NAA11: variants seen among roughly 807,000 people sequenced by gnomAD.
The protein encoded by NAA11 is N-alpha-acetyltransferase 11.
NAA11 carries 15 observed loss-of-function variants against 16.1 expected under a neutral mutation model. That is an observed-to-expected ratio of 0.93 (90% CI 0.62 to 1.44). The LOEUF (loss-of-function observed/expected upper bound fraction) is 1.44. Among genes scored for constraint, NAA11 ranks in the 40% most tolerant of loss-of-function variants. The probability of loss-of-function intolerance (pLI) is 0.00; values close to 1 mark genes in which losing one functional copy is unlikely to be tolerated. For missense variants in NAA11, 298 were observed against 291.3 expected (o/e 1.02, Z -0.17); for synonymous variants, 122 against 112.4 (o/e 1.09, Z -0.54).
chr4:79,202,541 C>CAT, the NAA11 span, among the ~76,000 whole-genome samples: 8 of 140,044 alleles, frequency 5.7e-5, no homozygotes, highest in South Asian at 1.8e-3. Flanking sequence ...CACACACACA[C>CAT]GCACACACAC....
the NAA11 span, among the ~76,000 whole-genome samples, chr4:79,208,520 C>T: frequency 6.6e-6 from 1 of 151,928 alleles, no homozygotes; most frequent in Non-Finnish European, 1.5e-5. Flanking sequence ...GCTTTTAGCC[C>T]ACATATGAAA....
At chr4:79,202,623 T>TTTTA in the NAA11 span, among the ~76,000 whole-genome samples, 3 of 52,622 alleles carry the variant, frequency 5.7e-5, 1 homozygote, top group African/African-American at 1.4e-4. Flanking sequence ...ATATATAGTT[T>TTTTA]TATATATATA....
chr4:79,320,046 T>C, intron 1 of NAA11, among the ~76,000 whole-genome samples: 1 of 152,202 alleles, frequency 6.6e-6, no homozygotes, highest in East Asian at 1.9e-4. Context: ...ACTAAGATTT[T>C]GCATTTTTTT....
At chr4:79,303,896 A>AT (rs1313458938) in intron 1 of NAA11, among the ~76,000 whole-genome samples, 1 of 152,012 alleles carries the variant, frequency 6.6e-6, no homozygotes, top group Non-Finnish European at 1.5e-5. Flanking sequence ...ATCTCCACAC[A>AT]TTTTCTGACC....
At chr4:79,160,297 G>A in the NAA11 span, among the ~76,000 whole-genome samples, 1 of 152,114 alleles carries the variant, frequency 6.6e-6, no homozygotes, top group Non-Finnish European at 1.5e-5. Flanking sequence ...CAGCTGAGTT[G>A]TTTCTACTTT....
the NAA11 span, among the ~76,000 whole-genome samples, chr4:79,202,950 A>C: frequency 1.3e-5 from 2 of 151,386 alleles, no homozygotes; most frequent in African/African-American, 2.4e-5. Context: ...AAAACATTGC[A>C]TGTGTGTATT....
At chr4:79,284,347 T>A (rs530481547) in intron 2 of NAA11, among the ~76,000 whole-genome samples, 2 of 152,078 alleles carry the variant, frequency 1.3e-5, no homozygotes, top group African/African-American at 2.4e-5. Context: ...AGGAGTCTCA[T>A]CAACAAAATG....
At position 79,325,778 on chromosome 4, in the gene NAA11, G is replaced by A; in HGVS notation, c.100C>T (p.His34Tyr). The A allele has an allele frequency of 6.2e-7, 1 of 1,614,238 alleles. No individual in the cohort carries two copies. Among genetic ancestry groups the A allele is most frequent in the Non-Finnish European group, 8.5e-7 (1 of 1,180,032 alleles). ...GAAAGCTGGGGCCAGGAAAGGCCAT[G>A]ATATAAATAGTATTTCATCTGGTAG... is the stretch of plus-strand genomic sequence containing the variant. ...ENYQMKYYLY[H>Y]GLSWPQLSYI... Residue 34 changes from histidine to tyrosine, a missense_variant, in exon 1 of 2, where the codon CAT becomes TAT. Physicochemically the swap from His to Tyr is moderately conservative, Grantham distance 83. Coordinates refer to ENST00000286794, the MANE Select transcript of NAA11 (RefSeq NM_032693.3).
the NAA11 span, among the ~76,000 whole-genome samples, chr4:79,195,351 C>T: frequency 6.6e-6 from 1 of 152,020 alleles, no homozygotes; most frequent in Non-Finnish European, 1.5e-5. Context: ...CGTGGGTGAA[C>T]TTACTCAGTT....
intron 1 of NAA11, among the ~76,000 whole-genome samples, chr4:79,302,941 A>C (rs1233135537): frequency 6.6e-6 from 1 of 151,684 alleles, no homozygotes; most frequent in African/African-American, 2.4e-5. Context: ...ATTTTGTTTG[A>C]GACTTTGAAT....
the NAA11 span, among the ~76,000 whole-genome samples, chr4:79,197,964 A>G: frequency 0.011 from 1,328 of 121,548 alleles, 10 homozygotes; most frequent in Admixed American, 0.019. Flanking sequence ...AGGTAAGTAA[A>G]ATAACTTTAA....
At chr4:79,255,410 A>G (rs1374290961) in intron 2 of NAA11, among the ~76,000 whole-genome samples, 1 of 151,946 alleles carries the variant, frequency 6.6e-6, no homozygotes, top group Non-Finnish European at 1.5e-5. Context: ...TGTGTGCTAT[A>G]TATTTCTTTT....
At chr4:79,222,651 A>C (rs1263385551), downstream of NAA11, among the ~76,000 whole-genome samples, 6 of 143,630 alleles carry the variant, frequency 4.2e-5, no homozygotes, top group East Asian at 4.1e-4. Context: ...AATGGGATCT[A>C]ATTAAACTAA....
At chr4:79,189,164 A>AAAAG in the NAA11 span, among the ~76,000 whole-genome samples, 3 of 148,046 alleles carry the variant, frequency 2.0e-5, no homozygotes, top group African/African-American at 7.4e-5. Context: ...AAAAAAAAAA[A>AAAAG]CTTATGAAGG....
At chr4:79,309,797 C>T (rs533764394) in intron 1 of NAA11, among the ~76,000 whole-genome samples, 1 of 137,430 alleles carries the variant, frequency 7.3e-6, no homozygotes, top group East Asian at 2.6e-4. Flanking sequence ...CTCACTGCAA[C>T]CTCCATCTCC....
At chr4:79,237,254 T>G (rs1365072592) in intron 2 of NAA11, among the ~76,000 whole-genome samples, 1 of 152,134 alleles carries the variant, frequency 6.6e-6, no homozygotes, top group African/African-American at 2.4e-5. Flanking sequence ...GTTACAAGGA[T>G]AGTGAACTTA....
the NAA11 span, among the ~76,000 whole-genome samples, chr4:79,191,596 C>T: frequency 5.3e-5 from 8 of 151,338 alleles, no homozygotes; most frequent in East Asian, 1.4e-3. Flanking sequence ...TTCTCAGATA[C>T]GTATTTTGCA....
At chr4:79,171,671 A>G in the NAA11 span, among the ~76,000 whole-genome samples, 1 of 152,216 alleles carries the variant, frequency 6.6e-6, no homozygotes, top group Non-Finnish European at 1.5e-5. Context: ...CCATTATTGT[A>G]TAAGGTAACA....
intron 1 of NAA11, among the ~76,000 whole-genome samples, chr4:79,296,867 C>G (rs1345335746): frequency 6.6e-6 from 1 of 152,226 alleles, no homozygotes; most frequent in Admixed American, 6.5e-5. Context: ...TCACTCCCAT[C>G]TAATCCCCAT....
Sources: gnomAD v4.1 joint callset for allele counts (sites outside exome capture counted in the v4.1 genomes callset) on GRCh38, gnomAD v4.1.1 for gene constraint, MANE v1.5 for transcripts, NCBI Gene and HGNC (gene_info 2026-07-23, HGNC 2026-07-21) for gene names.